Variants in ABCA9 observed in about 807,000 individuals in gnomAD.
ABCA9 encodes ATP binding cassette subfamily A member 9.
ABCA9 carries 183 observed loss-of-function variants against 205.3 expected under a neutral mutation model. That is an observed-to-expected ratio of 0.89 (90% CI 0.79 to 1.01). ABCA9 has a LOEUF of 1.01. Ranked by LOEUF, ABCA9 falls within the 50% of genes least tolerant of loss-of-function variation. ABCA9 has a pLI of 0.00. For synonymous variants in ABCA9, 651 were observed against 683.3 expected (o/e 0.95, Z 0.74); for missense variants, 1,805 against 1,912.4 (o/e 0.94, Z 1.05).
intron 25 of ABCA9, among the ~76,000 whole-genome samples, chr17:69,002,695 C>A (rs1045267259): frequency 2.7e-5 from 4 of 148,672 alleles, no homozygotes; most frequent in Admixed American, 2.7e-4. Context: ...TCTCGTTGAT[C>A]TGTCTAATGT....
intron 31 of ABCA9, among the ~76,000 whole-genome samples, chr17:68,987,655 G>T (rs758858738): frequency 2.0e-5 from 3 of 152,208 alleles, no homozygotes; most frequent in Non-Finnish European, 2.9e-5. Context: ...ATCATGCTGG[G>T]CTGGTTGCAG....
At chr17:68,986,379 A>AT (rs2069241166) in intron 31 of ABCA9, 55 bp from the exon 32 acceptor site, 2 of 1,516,616 alleles carry the variant, frequency 1.3e-6, no homozygotes, top group African/African-American at 2.8e-5. Flanking sequence ...GTATATGTAT[A>AT]TGCATGTAAG....
Position 69,044,586 on chromosome 17 carries a change from C to T in ABCA9, c.484G>A (p.Val162Met). ...HRDHSAHCQA[V>M]NEKMKCEGSE... ...CCTTCACACTTCATTTTTTCATTCA[C>T]TGCTTGACAGTGAGCTTTAGAAGAA... Residue 162 changes from valine (V) to methionine (M), a missense_variant, in exon 5 of 39, where the codon GTG becomes ATG. By Grantham distance (21) the Val-to-Met change is conservative. Coordinates refer to ENST00000340001, the MANE Select transcript of ABCA9 (RefSeq NM_080283.4). 1.2e-6 allele frequency: 2 copies of T among 1,612,776 alleles called. No homozygotes were observed. The highest frequency in any genetic ancestry group is 1.7e-6 in the Non-Finnish European group (2 of 1,179,326).
At chr17:68,985,967 A>C (rs1392512152) in intron 32 of ABCA9, among the ~76,000 whole-genome samples, 197 bp downstream of exon 32, 1 of 152,182 alleles carries the variant, frequency 6.6e-6, no homozygotes, top group Non-Finnish European at 1.5e-5. Context: ...AAAAAGAAAA[A>C]GAAAAAGAAA....
chr17:69,073,506 G>A, the ABCA9 span, among the ~76,000 whole-genome samples: 1 of 152,136 alleles, frequency 6.6e-6, no homozygotes, highest in South Asian at 2.1e-4. Flanking sequence ...TGACTACTGG[G>A]TACATAACAA....
chr17:69,068,260 G>A, the ABCA9 span, among the ~76,000 whole-genome samples: 1 of 152,070 alleles, frequency 6.6e-6, no homozygotes, highest in South Asian at 2.1e-4. Flanking sequence ...TTTTATGCAA[G>A]TTTTCTAGTG....
chr17:68,997,594 CT>C, intron 25 of ABCA9, among the ~76,000 whole-genome samples: 38,220 of 125,240 alleles, frequency 0.31, 4,788 homozygotes, highest in African/African-American at 0.34. Flanking sequence ...TATTTTTTTT[CT>C]TTTTTTTTTT....
Position 68,989,132 on chromosome 17 carries a change from G to C in ABCA9, c.3956-14C>G, listed in dbSNP as rs2069352678. 1 of 1,531,222 alleles carries C rather than the reference G, an allele frequency of 6.5e-7. No homozygotes were observed. The highest frequency in any genetic ancestry group is 2.3e-5 in the East Asian group (1 of 44,378). 94.9% of individuals were successfully genotyped at this position (1,531,222 alleles called of 1,614,324 possible). On this transcript the variant is annotated splice_polypyrimidine_tract_variant and intron_variant, in intron 30 of 38. Transcript: ENST00000340001. ...CTATAACTTCACCTGAAAGAAAGTG[G>C]TATGCTCAGAAATATACAAATAATT...
chr17:68,978,115 G>A lies in ABCA9; in HGVS notation c.4721-1925C>T, dbSNP rs571245835. On this transcript the variant is annotated intron_variant, in intron 37 of 38. Coordinates refer to ENST00000340001, the MANE Select transcript of ABCA9 (RefSeq NM_080283.4). ...GTGTGGGAGTCTAAGTCTCTTTCTA[G>A]GTCTCTAAGGACTTGCTTTATGAAT... Among the ~76,000 whole-genome samples, 3 of 152,150 alleles carry A rather than the reference G, an allele frequency of 2.0e-5. No individual in the cohort carries two copies. In the South Asian group the frequency reaches 6.2e-4, roughly 32 times the overall value.
chr17:69,027,454 T>G lies in ABCA9; in HGVS notation c.1792-5A>C, dbSNP rs746612289. 3 of 1,601,612 alleles carry G rather than the reference T, an allele frequency of 1.9e-6. No homozygotes were observed. The highest frequency in any genetic ancestry group is 2.6e-6 in the Non-Finnish European group (3 of 1,176,204). ...TTCCTGTACAACTCGTTGTACCTAATCAAATAAAGAATATTTAGTCCAAAA... is the reference window on the plus strand; with the variant it reads ...TTCCTGTACAACTCGTTGTACCTAAGCAAATAAAGAATATTTAGTCCAAAA... On this transcript the variant is annotated splice_polypyrimidine_tract_variant and splice_region_variant and intron_variant, in intron 13 of 38. Coordinates refer to ENST00000340001, the MANE Select transcript of ABCA9 (RefSeq NM_080283.4).
intron 37 of ABCA9, among the ~76,000 whole-genome samples, chr17:68,977,474 G>A (rs756967513): frequency 1.3e-5 from 2 of 152,002 alleles, no homozygotes; most frequent in Non-Finnish European, 2.9e-5. Context: ...CAAAACATTC[G>A]TTTATGAGTC....
Position 68,993,055 on chromosome 17 carries a change from T to C in ABCA9, c.3585A>G (p.Gly1195=). 6.2e-7 allele frequency: 1 copy of C among 1,613,794 alleles called. No homozygotes were observed. The highest frequency in any genetic ancestry group is 8.5e-7 in the Non-Finnish European group (1 of 1,179,830). The part of the protein sequence containing the change: ...EISPDSMDYL[G]ASESEIVYLA... ...GGTATACAATTTCAGATTCTGAAGC[T>C]CCTAAGTAATCCATGGAATCAGGAG... Residue 1195 remains glycine (G), a synonymous_variant, in exon 27 of 39, where the codon GGA becomes GGG. Coordinates refer to ENST00000340001, the MANE Select transcript of ABCA9 (RefSeq NM_080283.4).
chr17:69,051,099 G>A lies in ABCA9; in HGVS notation c.28C>T (p.Gln10Ter). The stretch of plus-strand genomic sequence containing the variant: ...TTGCAGAGAAGAGCCCATGTTTGCT[G>A]ACCCACGCTCATGCGTCTCTTGCTC... MSKRRMSVG[Q>*]QTWALLCKNC... The change falls in exon 2 of 39, where the codon CAG becomes TAG. Residue 10 changes from glutamine (Q) to a stop codon, truncating the protein, a stop_gained. Transcript: ENST00000340001. LOFTEE classifies it high-confidence loss of function. The A allele has an allele frequency of 2.5e-6, 4 of 1,613,696 alleles. No homozygotes were observed. The highest frequency in any genetic ancestry group is 3.4e-6 in the Non-Finnish European group (4 of 1,179,822).
At position 68,990,777 on chromosome 17, in the gene ABCA9, G is replaced by A. The variant is rs968974487; in HGVS notation, c.3837+60C>T. On this transcript the variant is annotated intron_variant, in intron 29 of 38. Transcript: ENST00000340001. ...GTTTTTCGAAAACTAAACTTAGAAA[G>A]TTTCTCACTTTATCTGTCAGAAAAA... 267 of 1,586,538 alleles carry A rather than the reference G, an allele frequency of 1.7e-4. 2 individuals are homozygous for A. The East Asian group carries it at 5.9e-3, about 35-fold the overall frequency.
Position 68,982,633 on chromosome 17 carries a change from G to A in ABCA9, c.4649C>T (p.Ser1550Phe). 1.9e-6 allele frequency: 3 copies of A among 1,613,850 alleles called. No homozygotes were observed. The highest frequency in any genetic ancestry group is 2.5e-6 in the Non-Finnish European group (3 of 1,179,790). Residue 1550 changes from serine (S) to phenylalanine (F), a missense_variant, in exon 37 of 39, where the codon TCC becomes TTC. Ser to Phe is a radical substitution (Grantham distance 155). Transcript: ENST00000340001. The part of the protein sequence containing the change: ...PQAAQQERFS[S>F]LMVYKLPVED... Reference sequence around the variant, plus strand: ...AACAGGCAACTTATAGACCATCAGGGAGGAGAACCTGCGAAGAGAAGACAG... The same window carrying A: ...AACAGGCAACTTATAGACCATCAGGAAGGAGAACCTGCGAAGAGAAGACAG...
intron 23 of ABCA9, 26 bp downstream of exon 23, chr17:69,011,950 C>T (rs568983984): frequency 1.2e-4 from 183 of 1,528,608 alleles, no homozygotes; most frequent in Non-Finnish European, 1.6e-4. Context: ...ATATAAAAAA[C>T]ATGTGAAGAC....
intron 25 of ABCA9, among the ~76,000 whole-genome samples, chr17:69,001,103 C>A (rs1344188430): frequency 6.6e-6 from 1 of 151,940 alleles, no homozygotes; most frequent in East Asian, 1.9e-4. Context: ...TAACTGAATA[C>A]CCTTTATTTC....
intron 10 of ABCA9, 130 bp from the exon 11 acceptor site, chr17:69,029,357 A>G: frequency 1.8e-6 from 1 of 556,856 alleles, no homozygotes; most frequent in South Asian, 2.8e-5. Flanking sequence ...CCTCAAAGAA[A>G]ATCTGGGGAT....
chr17:68,991,010 CA>C, intron 28 of ABCA9, 53 bp from the exon 29 acceptor site: 1 of 1,575,196 alleles, frequency 6.3e-7, no homozygotes, highest in Non-Finnish European at 8.6e-7. Flanking sequence ...AATCTTGTAT[CA>C]AAATTAATGA....
Sources: gnomAD v4.1 joint callset for allele counts (sites outside exome capture counted in the v4.1 genomes callset) on GRCh38, gnomAD v4.1.1 for gene constraint, MANE v1.5 for transcripts, NCBI Gene and HGNC (gene_info 2026-07-23, HGNC 2026-07-21) for gene names.